Variants in CDH18 observed in about 807,000 individuals in gnomAD.
CDH18 encodes cadherin-18.
CDH18 carries 31 observed loss-of-function variants against 67.9 expected under a neutral mutation model. That is an observed-to-expected ratio of 0.46 (90% CI 0.34 to 0.62). The LOEUF (loss-of-function observed/expected upper bound fraction) is 0.62. Ranked by LOEUF, CDH18 falls within the 20% of genes least tolerant of loss-of-function variation. The pLI is 0.01. For missense variants in CDH18, 890 were observed against 975.5 expected (o/e 0.91, Z 1.17); for synonymous variants, 362 against 347.2 (o/e 1.04, Z -0.48).
intron 2 of CDH18, among the ~76,000 whole-genome samples, chr5:20,252,647 A>G (rs993354169): frequency 1.3e-5 from 2 of 151,936 alleles, no homozygotes; most frequent in African/African-American, 4.8e-5. Context: ...ACATTTAAAA[A>G]CTGTACCAAG....
Position 19,672,184 on chromosome 5 carries a change from C to A in CDH18, c.643+49163G>T, listed in dbSNP as rs143292450. On this transcript the variant is annotated intron_variant, in intron 5 of 12. Coordinates refer to ENST00000382275, the MANE Select transcript of CDH18 (RefSeq NM_004934.5). The stretch of plus-strand genomic sequence containing the variant: ...GAACAAACAATATTTAGGCTGATTT[C>A]TTTGTGAGAATATCAGCATCCCCTA... Among the ~76,000 whole-genome samples, 161 of 152,228 alleles carry A rather than the reference C, an allele frequency of 1.1e-3. 1 individual carries two copies. The highest frequency in any genetic ancestry group is 3.7e-3 in the African/African-American group (153 of 41,570).
chr5:20,327,693 T>TA (rs999721821), intron 1 of CDH18, among the ~76,000 whole-genome samples: 6 of 151,828 alleles, frequency 4.0e-5, no homozygotes, highest in Non-Finnish European at 7.4e-5. Flanking sequence ...CAGATGCTGA[T>TA]AAAAAAAATA....
intron 2 of CDH18, among the ~76,000 whole-genome samples, chr5:19,875,451 T>TATAG (rs904558867): frequency 6.9e-6 from 1 of 145,030 alleles, no homozygotes; most frequent in Non-Finnish European, 1.5e-5. Context: ...TCGATCGATC[T>TATAG]ATAGATAGAT....
Position 20,357,071 on chromosome 5 carries a change from G to A in CDH18, c.-579-101566C>T, listed in dbSNP as rs1330362760. On this transcript the variant is annotated intron_variant, in intron 1 of 14. Coordinates refer to the CDH18 transcript ENST00000507958. ...TTGATAAGTAGTGTTAGTGTAACAT[G>A]TTAGAAATTAAGATAAACTACAAAT... Among the ~76,000 whole-genome samples, 24 of 151,614 alleles carry A rather than the reference G, an allele frequency of 1.6e-4. 1 individual carries two copies. Among genetic ancestry groups the A allele is most frequent in the Admixed American group, 1.5e-3 (23 of 15,200 alleles).
chr5:20,573,155 A>G (rs1758904495), intron 1 of CDH18, among the ~76,000 whole-genome samples: 1 of 151,886 alleles, frequency 6.6e-6, no homozygotes, highest in Non-Finnish European at 1.5e-5. Context: ...AACAAAAAAG[A>G]GAATCAAAGT....
At chr5:20,491,356 G>A (rs1484666091) in intron 1 of CDH18, among the ~76,000 whole-genome samples, 1 of 152,078 alleles carries the variant, frequency 6.6e-6, no homozygotes, top group African/African-American at 2.4e-5. Flanking sequence ...ATTCTTAACT[G>A]TAAAACAGGA....
intron 2 of CDH18, among the ~76,000 whole-genome samples, chr5:19,953,165 C>T (rs2150271743): frequency 6.6e-6 from 1 of 152,132 alleles, no homozygotes. Flanking sequence ...ACAATCTCAA[C>T]TAGATCCTAA....
At chr5:20,300,654 C>T (rs533639163) in intron 1 of CDH18, among the ~76,000 whole-genome samples, 33 of 152,214 alleles carry the variant, frequency 2.2e-4, no homozygotes, top group African/African-American at 7.2e-4. Context: ...TCTTCATTTT[C>T]ACAACAGGCT....
At chr5:19,546,737 A>C (rs1246629595) in intron 8 of CDH18, among the ~76,000 whole-genome samples, 1 of 152,156 alleles carries the variant, frequency 6.6e-6, no homozygotes, top group Non-Finnish European at 1.5e-5. Flanking sequence ...AGAGGCATGA[A>C]CACACATGGC....
rs115774929 is a variant in CDH18 at position 19,753,585 on chromosome 5, G to A, written c.229-6349C>T. Among the ~76,000 whole-genome samples, 332 of 152,276 alleles carry A rather than the reference G, an allele frequency of 2.2e-3. 1 individual carries two copies. Among genetic ancestry groups the A allele is most frequent in the African/African-American group, 7.6e-3 (315 of 41,562 alleles). ...CTTCAAGAAGAAGAGAAATCTAAAA[G>A]TTTGGAAAACATATCTGGGGGAAAA... On this transcript the variant is annotated intron_variant, in intron 3 of 12. Coordinates refer to ENST00000382275, the MANE Select transcript of CDH18 (RefSeq NM_004934.5).
At chr5:19,538,935 T>A (rs1007798124) in intron 9 of CDH18, among the ~76,000 whole-genome samples, 1 of 152,116 alleles carries the variant, frequency 6.6e-6, no homozygotes, top group Non-Finnish European at 1.5e-5. Context: ...TTTTTAAAAA[T>A]CCCATTTGAA....
intron 3 of CDH18, among the ~76,000 whole-genome samples, chr5:19,836,425 T>C (rs1781644599): frequency 3.3e-5 from 5 of 152,186 alleles, no homozygotes. Flanking sequence ...CCAGTGATGA[T>C]GTACTTTTCT....
chr5:19,652,635 T>C (rs1182993346), intron 5 of CDH18, among the ~76,000 whole-genome samples: 2 of 151,876 alleles, frequency 1.3e-5, no homozygotes, highest in East Asian at 1.9e-4. Flanking sequence ...TCTGAAAGTG[T>C]TGGGGTTGGG....
intron 2 of CDH18, among the ~76,000 whole-genome samples, chr5:19,845,787 G>A (rs1782869566): frequency 2.0e-5 from 3 of 151,520 alleles, no homozygotes; most frequent in Admixed American, 2.0e-4. Context: ...GTTTTTAACT[G>A]AAAGAATATT....
chr5:20,285,948 G>T (rs1450266048), intron 1 of CDH18, among the ~76,000 whole-genome samples: 1 of 151,500 alleles, frequency 6.6e-6, no homozygotes, highest in African/African-American at 2.4e-5. Context: ...CATATCTTTA[G>T]TTAGTTTCTG....
At chr5:19,673,554 AT>A (rs1759055567) in intron 5 of CDH18, among the ~76,000 whole-genome samples, 1 of 152,070 alleles carries the variant, frequency 6.6e-6, no homozygotes, top group Admixed American at 6.6e-5. Flanking sequence ...CATCAGATAT[AT>A]TTAGTGGTTG....
chr5:19,504,104 C>T (rs1304048721), intron 10 of CDH18, among the ~76,000 whole-genome samples: 1 of 152,100 alleles, frequency 6.6e-6, no homozygotes. Flanking sequence ...AATTTCTCTG[C>T]GTGTTCTGAG....
intron 1 of CDH18, among the ~76,000 whole-genome samples, chr5:20,436,617 T>C (rs1014776009): frequency 2.0e-5 from 3 of 151,322 alleles, no homozygotes; most frequent in African/African-American, 7.3e-5. Context: ...TATATAAACA[T>C]GTATATATGT....
intron 2 of CDH18, among the ~76,000 whole-genome samples, chr5:19,904,430 AG>A (rs1790321596): frequency 6.6e-6 from 1 of 151,280 alleles, no homozygotes; most frequent in Admixed American, 6.6e-5. Flanking sequence ...AGGGAAGGGA[AG>A]GGACAGTTTG....
Sources: gnomAD v4.1 joint callset for allele counts (sites outside exome capture counted in the v4.1 genomes callset) on GRCh38, gnomAD v4.1.1 for gene constraint, MANE v1.5 for transcripts, NCBI Gene and HGNC (gene_info 2026-07-23, HGNC 2026-07-21) for gene names.